Variants in PDE1C observed in about 807,000 individuals in gnomAD.
PDE1C encodes the protein dual specificity calcium/calmodulin-dependent 3',5'-cyclic nucleotide phosphodiesterase 1C.
Under a neutral mutation model 93.1 loss-of-function variants are expected in PDE1C, and 62 were observed. The observed-to-expected ratio is 0.67, with a 90% CI of 0.54 to 0.82. The LOEUF (loss-of-function observed/expected upper bound fraction) is 0.82. Ranked by LOEUF, PDE1C falls within the 40% of genes least tolerant of loss-of-function variation. The probability of loss-of-function intolerance (pLI) is 0.00; values close to 1 mark genes in which losing one functional copy is unlikely to be tolerated. For synonymous variants in PDE1C, 325 were observed against 310.1 expected, an observed-to-expected ratio of 1.05 and a Z score of -0.50; for missense variants, 742 against 884.6, an observed-to-expected ratio of 0.84 and a Z score of 2.04.
intron 3 of PDE1C, among the ~76,000 whole-genome samples, chr7:32,164,287 T>G (rs1802090296): frequency 6.6e-6 from 1 of 152,198 alleles, no homozygotes; most frequent in Non-Finnish European, 1.5e-5. Flanking sequence ...ATTGAAAACA[T>G]AAGTCTAGAC....
chr7:31,857,995 G>A (rs1794230566), intron 7 of PDE1C, among the ~76,000 whole-genome samples: 2 of 152,078 alleles, frequency 1.3e-5, no homozygotes, highest in African/African-American at 4.8e-5. Context: ...ATATCGGAAG[G>A]CCAAACTGAT....
At chr7:32,380,193 A>G (rs1051154010) in intron 1 of PDE1C, among the ~76,000 whole-genome samples, 11 of 151,976 alleles carry the variant, frequency 7.2e-5, no homozygotes, top group African/African-American at 2.7e-4. Context: ...GTAAATGTCT[A>G]CAATTATTGT....
intron 1 of PDE1C, among the ~76,000 whole-genome samples, chr7:32,319,089 C>T (rs1382357498): frequency 6.6e-6 from 1 of 152,220 alleles, no homozygotes; most frequent in Non-Finnish European, 1.5e-5. Flanking sequence ...TCTCCCGCGC[C>T]CTCCACGCCG....
intron 1 of PDE1C, among the ~76,000 whole-genome samples, chr7:32,291,631 T>A (rs1312172073): frequency 1.3e-5 from 2 of 152,386 alleles, no homozygotes; most frequent in Non-Finnish European, 2.9e-5. Context: ...CAAAGCCTAG[T>A]ATGCTTACTT....
intron 1 of PDE1C, among the ~76,000 whole-genome samples, chr7:32,215,976 T>A (rs1383102086): frequency 4.6e-5 from 7 of 152,192 alleles, no homozygotes; most frequent in Admixed American, 3.3e-4. Context: ...AGTGAACTCT[T>A]TTGGGAAGGC....
At chr7:31,928,448 C>G (rs1345762304) in intron 2 of PDE1C, among the ~76,000 whole-genome samples, 1 of 152,054 alleles carries the variant, frequency 6.6e-6, no homozygotes, top group Non-Finnish European at 1.5e-5. Flanking sequence ...CTAAGATACT[C>G]CTTAAGAAGA....
At chr7:31,755,554 C>A (rs917750) in intron 17 of PDE1C, among the ~76,000 whole-genome samples, 101,215 of 151,228 alleles carry the variant, frequency 0.67, 34,356 homozygotes, top group Middle Eastern at 0.78. Flanking sequence ...CTTGTAGAGC[C>A]AGAAAATTTG....
chr7:32,205,888 C>T (rs34801924), intron 2 of PDE1C, among the ~76,000 whole-genome samples: 51,737 of 151,812 alleles, frequency 0.34, 9,386 homozygotes, highest in Admixed American at 0.46. Flanking sequence ...GAAGAAACTC[C>T]GGACACATCT....
chr7:31,916,017 G>A (rs1238353434), intron 2 of PDE1C, among the ~76,000 whole-genome samples: 1 of 151,906 alleles, frequency 6.6e-6, no homozygotes. Context: ...TGTCTTCAGA[G>A]ATAAGGAAGT....
intron 3 of PDE1C, among the ~76,000 whole-genome samples, chr7:32,134,407 T>C (rs1474104224): frequency 6.6e-6 from 1 of 151,976 alleles, no homozygotes; most frequent in Non-Finnish European, 1.5e-5. Context: ...ACTTAAAATA[T>C]GGGTAGAGAA....
chr7:31,911,639 A>G (rs1453088111), intron 2 of PDE1C, among the ~76,000 whole-genome samples: 1 of 152,176 alleles, frequency 6.6e-6, no homozygotes, highest in Admixed American at 6.6e-5. Context: ...GGGTCCCTCT[A>G]GAATTAGAAG....
At chr7:32,169,922 G>A in exon 3 of PDE1C, 1 of 1,612,664 alleles carries the variant, frequency 6.2e-7, no homozygotes, top group Non-Finnish European at 8.5e-7. Flanking sequence ...GCCCATCGAT[G>A]AGGGAGTTCC....
At chr7:31,834,288 G>T (rs1253819504) in intron 11 of PDE1C, among the ~76,000 whole-genome samples, 1 of 152,216 alleles carries the variant, frequency 6.6e-6, no homozygotes. Flanking sequence ...CCCCCACACA[G>T]AGTCCCTACT....
chr7:31,711,150 A>G, the PDE1C span, among the ~76,000 whole-genome samples: 3 of 152,354 alleles, frequency 2.0e-5, no homozygotes, highest in East Asian at 1.9e-4. Flanking sequence ...TGGCTCTTCC[A>G]TCTGATGTCA....
intron 1 of PDE1C, among the ~76,000 whole-genome samples, chr7:32,230,237 C>G (rs907213605): frequency 3.9e-5 from 6 of 152,298 alleles, no homozygotes; most frequent in African/African-American, 1.4e-4. Flanking sequence ...TGATGGCCCC[C>G]AAGTGGCAAC....
the PDE1C span, chr7:31,695,877 C>T: frequency 6.8e-6 from 2 of 294,324 alleles, no homozygotes; most frequent in South Asian, 8.4e-5. Flanking sequence ...GAGGCAAGCT[C>T]TGCTTCAAAG....
chr7:32,253,696 T>A (rs952305835), intron 1 of PDE1C, among the ~76,000 whole-genome samples: 1 of 152,194 alleles, frequency 6.6e-6, no homozygotes, highest in Admixed American at 6.5e-5. Flanking sequence ...GGCATTGAGC[T>A]AGATATGGAG....
chr7:31,619,430 C>T, the PDE1C span, among the ~76,000 whole-genome samples: 1 of 152,052 alleles, frequency 6.6e-6, no homozygotes, highest in Non-Finnish European at 1.5e-5. Flanking sequence ...TAACATGTTC[C>T]TAACTTATTG....
chr7:32,021,446 G>A (rs572559158), intron 2 of PDE1C, among the ~76,000 whole-genome samples: 1 of 152,106 alleles, frequency 6.6e-6, no homozygotes, highest in East Asian at 1.9e-4. Context: ...TCTGAGAAGA[G>A]AGAAAGGTAG....
Sources: allele counts gnomAD v4.1 joint callset (sites outside exome capture counted in the v4.1 genomes callset), GRCh38; gene constraint gnomAD v4.1.1; transcripts MANE v1.5; gene names NCBI Gene and HGNC (gene_info 2026-07-23, HGNC 2026-07-21).